PMFBP1: variants seen among roughly 807,000 people sequenced by gnomAD.
The protein encoded by PMFBP1 is polyamine-modulated factor 1-binding protein 1.
A neutral mutation model predicts 137.8 loss-of-function variants in PMFBP1; 131 were observed. That is an observed-to-expected ratio of 0.95 (90% CI 0.82 to 1.10). The LOEUF (loss-of-function observed/expected upper bound fraction) is 1.10, where lower values mean the gene tolerates loss of function less well. Among genes scored for constraint, PMFBP1 ranks in the 50% least tolerant of loss-of-function variants. The pLI, the probability that PMFBP1 is intolerant of heterozygous loss-of-function variation, is 0.00. For missense variants in PMFBP1, 1,199 were observed against 1,175.4 expected, an observed-to-expected ratio of 1.02 and a Z score of -0.29; for synonymous variants, 490 against 450.4, an observed-to-expected ratio of 1.09 and a Z score of -1.11.
the PMFBP1 span, among the ~76,000 whole-genome samples, chr16:72,199,673 A>G: frequency 6.7e-6 from 1 of 148,322 alleles, no homozygotes; most frequent in African/African-American, 2.5e-5. Context: ...AAAAAAAAAA[A>G]GTGTAGGGAG....
At chr16:72,120,941 A>T (rs2042368667) in intron 19 of PMFBP1, among the ~76,000 whole-genome samples, 1 of 152,210 alleles carries the variant, frequency 6.6e-6, no homozygotes, top group South Asian at 2.1e-4. Context: ...GTCAACGCTT[A>T]GTACCTCACA....
chr16:72,193,934 A>G, the PMFBP1 span, among the ~76,000 whole-genome samples: 1 of 150,342 alleles, frequency 6.7e-6, no homozygotes, highest in African/African-American at 2.4e-5. Flanking sequence ...CAACCTCCCC[A>G]TGAGGTGGAA....
intron 8 of PMFBP1, 22 bp from the exon 9 acceptor site, chr16:72,136,627 T>A: frequency 6.2e-7 from 1 of 1,613,772 alleles, no homozygotes; most frequent in Non-Finnish European, 8.5e-7. Context: ...CGGGACAGAG[T>A]CTATGCTCAG....
At chr16:72,133,854 T>C (rs1249443958) in intron 9 of PMFBP1, among the ~76,000 whole-genome samples, 1 of 152,070 alleles carries the variant, frequency 6.6e-6, no homozygotes, top group East Asian at 1.9e-4. Flanking sequence ...TGGTGAGAAG[T>C]AATGCAGGAC....
At chr16:72,238,710 T>C in the PMFBP1 span, among the ~76,000 whole-genome samples, 2 of 152,346 alleles carry the variant, frequency 1.3e-5, no homozygotes, top group South Asian at 2.1e-4. Context: ...CAGGCTTTAT[T>C]GCATAGATAA....
At chr16:72,150,850 C>A in intron 4 of PMFBP1, 21 bp from the exon 5 acceptor site, 1 of 1,596,730 alleles carries the variant, frequency 6.3e-7, no homozygotes, top group Non-Finnish European at 8.6e-7. Context: ...AGGAATAAAT[C>A]CACATTGAGC....
the PMFBP1 span, among the ~76,000 whole-genome samples, chr16:72,205,763 C>A: frequency 6.6e-6 from 1 of 152,128 alleles, no homozygotes; most frequent in Admixed American, 6.5e-5. Context: ...ATCAACCACA[C>A]TTTGGTCCAC....
upstream of PMFBP1, among the ~76,000 whole-genome samples, chr16:72,180,725 T>C (rs1158844805): frequency 1.3e-5 from 2 of 151,376 alleles, no homozygotes; most frequent in African/African-American, 2.4e-5. Context: ...CGTGAACAAA[T>C]CAGAGGCCTT....
chr16:72,119,213 A>C lies in PMFBP1; in HGVS notation c.*125T>G. ...CTCAACAAAAGTTAGTGTCTTGCAA[A>C]ATAGGCTGGGACCGTGATATACTCC... On this transcript the variant is annotated 3_prime_UTR_variant, in exon 21 of 21. Coordinates refer to ENST00000237353, the MANE Select transcript of PMFBP1 (RefSeq NM_031293.3). 1 of 1,142,346 alleles carries C rather than the reference A, an allele frequency of 8.8e-7. No individual in the cohort carries two copies. The highest frequency in any genetic ancestry group is 1.6e-5 in the African/African-American group (1 of 64,090). 70.8% of individuals were successfully genotyped at this position (1,142,346 alleles called of 1,614,324 possible).
chr16:72,238,703 G>A, the PMFBP1 span, among the ~76,000 whole-genome samples: 2 of 152,262 alleles, frequency 1.3e-5, no homozygotes, highest in African/African-American at 4.8e-5. Flanking sequence ...AGAAACACAG[G>A]CTTTATTGCA....
At chr16:72,202,807 G>A in the PMFBP1 span, among the ~76,000 whole-genome samples, 9 of 152,242 alleles carry the variant, frequency 5.9e-5, no homozygotes, top group South Asian at 2.1e-4. Context: ...CAAATTGCTC[G>A]GTTGACAATC....
chr16:72,155,016 T>C (rs951366500), intron 3 of PMFBP1, among the ~76,000 whole-genome samples: 2 of 152,146 alleles, frequency 1.3e-5, no homozygotes, highest in African/African-American at 4.8e-5. Flanking sequence ...GGATGCTGAC[T>C]CTGTGTGCGT....
At chr16:72,169,565 G>A (rs1216071741) in intron 2 of PMFBP1, among the ~76,000 whole-genome samples, 1 of 152,064 alleles carries the variant, frequency 6.6e-6, no homozygotes, top group African/African-American at 2.4e-5. Context: ...TAAAATTGGT[G>A]TATACTTATG....
chr16:72,197,174 AG>A, the PMFBP1 span, among the ~76,000 whole-genome samples: 1 of 152,216 alleles, frequency 6.6e-6, no homozygotes, highest in Non-Finnish European at 1.5e-5. Context: ...TTTAATAGCT[AG>A]GGAAAAAACC....
chr16:72,188,933 G>C, the PMFBP1 span, among the ~76,000 whole-genome samples: 1 of 152,218 alleles, frequency 6.6e-6, no homozygotes, highest in Non-Finnish European at 1.5e-5. Flanking sequence ...GACTAGGACA[G>C]GGTCCCCGAC....
chr16:72,186,918 GC>G, the PMFBP1 span, among the ~76,000 whole-genome samples: 1 of 152,080 alleles, frequency 6.6e-6, no homozygotes, highest in Non-Finnish European at 1.5e-5. Context: ...TTCGAGACAA[GC>G]CTGGCCAACA....
At chr16:72,228,925 G>A in the PMFBP1 span, among the ~76,000 whole-genome samples, 1 of 151,472 alleles carries the variant, frequency 6.6e-6, no homozygotes, top group Non-Finnish European at 1.5e-5. Context: ...GGGTGGCATG[G>A]GGCTTTGGTG....
intron 1 of PMFBP1, 126 bp from the exon 2 acceptor site, chr16:72,171,394 C>A (rs2043218844): frequency 1.7e-6 from 1 of 572,908 alleles, no homozygotes; most frequent in Non-Finnish European, 3.1e-6. Context: ...GTTAGCAATA[C>A]CCACTTGCTT....
the PMFBP1 span, among the ~76,000 whole-genome samples, chr16:72,219,458 C>T: frequency 5.9e-5 from 9 of 152,120 alleles, no homozygotes; most frequent in African/African-American, 1.2e-4. Context: ...ACAGGACTTG[C>T]TCACTGACTG....
Sources: gnomAD v4.1 joint callset for allele counts (sites outside exome capture counted in the v4.1 genomes callset) on GRCh38, gnomAD v4.1.1 for gene constraint, MANE v1.5 for transcripts, NCBI Gene and HGNC (gene_info 2026-07-23, HGNC 2026-07-21) for gene names.